Variants in DENND1A observed in about 807,000 individuals in gnomAD.
The protein encoded by DENND1A is DENN domain containing 1A, also known as DENN domain-containing protein 1A.
In DENND1A, 51 loss-of-function variants were observed where a neutral mutation model predicts 113.7. The observed-to-expected ratio is 0.45, with a 90% CI of 0.36 to 0.57. The LOEUF (loss-of-function observed/expected upper bound fraction) is 0.57, where lower values mean the gene tolerates loss of function less well. Ranked by LOEUF, DENND1A falls within the 20% of genes least tolerant of loss-of-function variation. DENND1A has a pLI of 0.00. For synonymous variants in DENND1A, 565 were observed against 570.8 expected, an observed-to-expected ratio of 0.99 and a Z score of 0.14; for missense variants, 1,258 against 1,395.9, an observed-to-expected ratio of 0.90 and a Z score of 1.57.
chr9:123,858,771 T>C (rs1485875941), intron 2 of DENND1A, among the ~76,000 whole-genome samples: 1 of 152,134 alleles, frequency 6.6e-6, no homozygotes, highest in African/African-American at 2.4e-5. Context: ...GACTGAGATC[T>C]TACTTGGAGA....
chr9:123,687,821 A>G (rs1261877667), intron 5 of DENND1A, among the ~76,000 whole-genome samples: 1 of 152,214 alleles, frequency 6.6e-6, no homozygotes, highest in Non-Finnish European at 1.5e-5. Context: ...AGATTCTCCT[A>G]TTCTGTGGAA....
intron 2 of DENND1A, among the ~76,000 whole-genome samples, chr9:123,827,284 G>A (rs1839479311): frequency 6.6e-6 from 1 of 151,564 alleles, no homozygotes; most frequent in South Asian, 2.1e-4. Flanking sequence ...GTACTTGTTA[G>A]CCTAAAGTCC....
intron 19 of DENND1A, among the ~76,000 whole-genome samples, chr9:123,425,257 C>G (rs945200297): frequency 6.6e-6 from 1 of 152,260 alleles, no homozygotes; most frequent in Non-Finnish European, 1.5e-5. Flanking sequence ...CTGCTCTTGT[C>G]CTGTTGGGCT....
intron 10 of DENND1A, among the ~76,000 whole-genome samples, chr9:123,629,967 A>G (rs1051846505): frequency 2.6e-5 from 4 of 152,190 alleles, no homozygotes; most frequent in African/African-American, 9.7e-5. Flanking sequence ...GTGTCATGAC[A>G]TATAAGAAAA....
chr9:123,450,678 A>G lies in DENND1A; in HGVS notation c.1356+15T>C. On this transcript the variant is annotated intron_variant, in intron 18 of 23. Transcript: ENST00000394215. ...TACATGGTGCTTATACATTTTGAAT[A>G]AGAACTTCAAGTACCTTTTGCTTCA... 6.2e-7 allele frequency: 1 copy of G among 1,607,860 alleles called. No homozygotes were observed. The highest frequency in any genetic ancestry group is 8.5e-7 in the Non-Finnish European group (1 of 1,177,538).
At chr9:123,436,498 G>A (rs7860453) in intron 19 of DENND1A, among the ~76,000 whole-genome samples, 19,029 of 152,184 alleles carry the variant, frequency 0.13, 1,387 homozygotes, top group African/African-American at 0.2. Flanking sequence ...TGTCCCCTGG[G>A]CTTTGTTTCC....
At chr9:123,585,378 T>C (rs1429329025) in intron 11 of DENND1A, among the ~76,000 whole-genome samples, 1 of 152,248 alleles carries the variant, frequency 6.6e-6, no homozygotes, top group African/African-American at 2.4e-5. Context: ...TGGACAACTT[T>C]GATTGTATTA....
At chr9:123,672,512 C>T (rs150190873) in intron 6 of DENND1A, among the ~76,000 whole-genome samples, 3 of 152,198 alleles carry the variant, frequency 2.0e-5, no homozygotes, top group African/African-American at 4.8e-5. Flanking sequence ...TAAATCACCA[C>T]AATTAATTAT....
At chr9:123,775,052 C>T (rs1830267539) in intron 3 of DENND1A, among the ~76,000 whole-genome samples, 1 of 152,144 alleles carries the variant, frequency 6.6e-6, no homozygotes, top group Non-Finnish European at 1.5e-5. Context: ...TCAAACTTAG[C>T]TAAAACAAAG....
At chr9:123,524,991 G>T (rs2054700552) in intron 13 of DENND1A, among the ~76,000 whole-genome samples, 1 of 152,226 alleles carries the variant, frequency 6.6e-6, no homozygotes, top group Non-Finnish European at 1.5e-5. Context: ...GAGTAGATAG[G>T]CACTGCATAC....
At chr9:123,562,610 A>G (rs182174833) in intron 12 of DENND1A, among the ~76,000 whole-genome samples, 1 of 152,328 alleles carries the variant, frequency 6.6e-6, no homozygotes, top group Non-Finnish European at 1.5e-5. Flanking sequence ...AACTTTAACC[A>G]TGCAAGGATG....
intron 1 of DENND1A, among the ~76,000 whole-genome samples, chr9:123,910,410 A>G (rs1002976327): frequency 1.3e-5 from 2 of 152,242 alleles, no homozygotes; most frequent in African/African-American, 2.4e-5. Context: ...CAACCACATG[A>G]GGGAAGAAAA....
chr9:123,409,557 A>C (rs943023917), intron 20 of DENND1A, among the ~76,000 whole-genome samples: 1 of 151,624 alleles, frequency 6.6e-6, no homozygotes, highest in Non-Finnish European at 1.5e-5. Flanking sequence ...TACTGGCAAG[A>C]CCACAGGTTC....
intron 2 of DENND1A, among the ~76,000 whole-genome samples, chr9:123,794,926 C>G (rs537007042): frequency 4.6e-5 from 7 of 151,760 alleles, no homozygotes; most frequent in African/African-American, 1.7e-4. Flanking sequence ...CCCAATACTG[C>G]CTCAATGGAA....
At chr9:123,887,586 C>G (rs141330045) in intron 1 of DENND1A, among the ~76,000 whole-genome samples, 1 of 151,670 alleles carries the variant, frequency 6.6e-6, no homozygotes, top group South Asian at 2.1e-4. Context: ...TTAGGGCCCC[C>G]GAGAATGGAG....
At chr9:123,776,885 C>T (rs1041393936) in intron 3 of DENND1A, among the ~76,000 whole-genome samples, 6 of 152,080 alleles carry the variant, frequency 3.9e-5, no homozygotes, top group African/African-American at 1.4e-4. Context: ...GAAGCTGGCA[C>T]GCTACATAAA....
Position 123,443,000 on chromosome 9 carries a change from G to A in DENND1A, c.1357-2509C>T, listed in dbSNP as rs182507529. Among the ~76,000 whole-genome samples, 17 of 152,216 alleles carry A rather than the reference G, an allele frequency of 1.1e-4. No homozygotes were observed. The East Asian group carries it at 3.3e-3, about 29-fold the overall frequency. ...AAAAGAAGAGTTTCCCTGTGTGGAC[G>A]GCCTACCCCTGTGCTTTTCCAGACC... On this transcript the variant is annotated intron_variant, in intron 18 of 23. Transcript: ENST00000394215.
chr9:123,423,443 TAGGTTTC>T (rs1402115653), intron 19 of DENND1A, among the ~76,000 whole-genome samples: 2 of 152,142 alleles, frequency 1.3e-5, no homozygotes, highest in Non-Finnish European at 2.9e-5. Flanking sequence ...ATGGCTGTGG[TAGGTTTC>T]ACACCTTGGC....
intron 13 of DENND1A, among the ~76,000 whole-genome samples, chr9:123,550,666 T>G (rs568057722): frequency 7.9e-5 from 12 of 152,166 alleles, no homozygotes; most frequent in Non-Finnish European, 1.8e-4. Flanking sequence ...GTGTGAAATG[T>G]GTTTCGAGGG....
Sources: allele counts gnomAD v4.1 joint callset (sites outside exome capture counted in the v4.1 genomes callset), GRCh38; gene constraint gnomAD v4.1.1; transcripts MANE v1.5; gene names NCBI Gene and HGNC (gene_info 2026-07-23, HGNC 2026-07-21).